The following LNX1 variants were observed in gnomAD, a reference collection of about 807,000 sequenced individuals.
LNX1 encodes ligand of numb-protein X 1.
Under a neutral mutation model 68.4 loss-of-function variants are expected in LNX1, and 54 were observed. The ratio of observed to expected loss-of-function variants is 0.79; its 90% CI spans 0.63 to 0.99. The LOEUF is 0.99. LNX1 is among the 50% of genes least tolerant of loss of function. LNX1 has a pLI of 0.00. For missense variants in LNX1, 906 were observed against 926.4 expected, an observed-to-expected ratio of 0.98 and a Z score of 0.29; for synonymous variants, 336 against 350.0, an observed-to-expected ratio of 0.96 and a Z score of 0.45.
chr4:53,575,913 T>C, intron 1 of LNX1: 1 of 1,572,692 alleles, frequency 6.4e-7, no homozygotes, highest in South Asian at 1.2e-5. Flanking sequence ...GCCGAGAGGC[T>C]GTGCAGTGTC....
At position 53,477,080 on chromosome 4, in the gene LNX1, T is replaced by A. The variant is rs1479671352; in HGVS notation, c.1664-99A>T. On this transcript the variant is annotated intron_variant, in intron 8 of 10. Transcript: ENST00000263925. ...TAGGGGCTGACTGGGATTGCAGGGA[T>A]GCAGAGAGGGCAAAGGTTTTCTTTG... 97 of 1,018,904 alleles carry A rather than the reference T, an allele frequency of 9.5e-5. 1 individual carries two copies. In the Admixed American group the frequency reaches 1.6e-3, roughly 17 times the overall value. The allele number at this position is 1,018,904 out of a possible 1,614,324, so 63.1% of individuals were successfully genotyped here.
chr4:53,630,219 T>C (rs1478749841), intron 1 of LNX1, among the ~76,000 whole-genome samples: 2 of 152,178 alleles, frequency 1.3e-5, no homozygotes, highest in Non-Finnish European at 2.9e-5. Flanking sequence ...TTAAAATGTT[T>C]TGTTACTCAG....
At chr4:53,538,909 T>C (rs572532948) in intron 2 of LNX1, among the ~76,000 whole-genome samples, 1 of 152,288 alleles carries the variant, frequency 6.6e-6, no homozygotes, top group African/African-American at 2.4e-5. Context: ...CTGGAAGTAA[T>C]CACAGGGAAC....
chr4:53,512,975 A>G (rs1726467922), intron 2 of LNX1, among the ~76,000 whole-genome samples: 1 of 152,090 alleles, frequency 6.6e-6, no homozygotes, highest in South Asian at 2.1e-4. Flanking sequence ...CTCCATCTCC[A>G]CGGCCAAACC....
At chr4:53,629,147 C>A (rs1734179930) in intron 1 of LNX1, among the ~76,000 whole-genome samples, 2 of 152,028 alleles carry the variant, frequency 1.3e-5, no homozygotes, top group Admixed American at 1.3e-4. Context: ...AAAAACAGAC[C>A]ACAAACAAAA....
intron 1 of LNX1, among the ~76,000 whole-genome samples, chr4:53,648,335 T>C (rs534610858): frequency 6.6e-6 from 1 of 152,298 alleles, no homozygotes; most frequent in African/African-American, 2.4e-5. Context: ...TCATTGTGGT[T>C]TTTGATTTGC....
At chr4:53,558,109 G>A in intron 2 of LNX1, 1 of 1,454,110 alleles carries the variant, frequency 6.9e-7, no homozygotes, top group Non-Finnish European at 9.0e-7. Context: ...TTCAGATTAA[G>A]CCACGTTAAT....
intron 2 of LNX1, among the ~76,000 whole-genome samples, chr4:53,518,318 GC>G (rs1360481412): frequency 1.3e-5 from 2 of 152,172 alleles, no homozygotes; most frequent in African/African-American, 4.8e-5. Context: ...AGACACACTG[GC>G]TAGTCTCTGC....
At chr4:53,483,460 T>C (rs1724082850) in intron 6 of LNX1, among the ~76,000 whole-genome samples, 1 of 152,256 alleles carries the variant, frequency 6.6e-6, no homozygotes, top group Non-Finnish European at 1.5e-5. Flanking sequence ...TTGCTGACCA[T>C]TGAGATTTCA....
At chr4:53,612,050 A>C (rs1453468894) in intron 2 of LNX1, among the ~76,000 whole-genome samples, 1 of 152,212 alleles carries the variant, frequency 6.6e-6, no homozygotes, top group Non-Finnish European at 1.5e-5. Context: ...AACAAGAACA[A>C]ACCAATAGGA....
At chr4:53,474,370 C>T (rs548512748) in intron 9 of LNX1, among the ~76,000 whole-genome samples, 25 of 152,190 alleles carry the variant, frequency 1.6e-4, no homozygotes, top group Non-Finnish European at 3.4e-4. Context: ...TGGAACACAG[C>T]CTTCCTCATT....
intron 2 of LNX1, among the ~76,000 whole-genome samples, chr4:53,600,254 G>T (rs1334282859): frequency 1.3e-5 from 2 of 152,108 alleles, no homozygotes; most frequent in Non-Finnish European, 2.9e-5. Context: ...TCCCAAAGGG[G>T]TTGAAAATTC....
intron 2 of LNX1, among the ~76,000 whole-genome samples, chr4:53,546,035 G>T (rs751416679): frequency 6.6e-6 from 1 of 151,856 alleles, no homozygotes; most frequent in African/African-American, 2.4e-5. Flanking sequence ...TCAAACTCCT[G>T]ACCTCAAGTG....
intron 2 of LNX1, among the ~76,000 whole-genome samples, chr4:53,565,046 TG>T (rs1183925754): frequency 6.6e-6 from 1 of 151,986 alleles, no homozygotes; most frequent in Non-Finnish European, 1.5e-5. Context: ...GAGATCAAAC[TG>T]CAAGGTGGCA....
chr4:53,472,050 C>T lies in LNX1; in HGVS notation c.1892+4703G>A, dbSNP rs559561168. ...GACACATGCACACTTATGTTTATTG[C>T]GGCACTATTCACAATAACAAAGACT... On this transcript the variant is annotated intron_variant, in intron 9 of 10. Coordinates refer to ENST00000263925, the MANE Select transcript of LNX1 (RefSeq NM_001126328.3). 1.1e-3 allele frequency among the ~76,000 whole-genome samples: 170 copies of T among 152,196 alleles called. 1 individual carries two copies. The highest frequency in any genetic ancestry group is 3.8e-3 in the African/African-American group (158 of 41,510).
intron 1 of LNX1, among the ~76,000 whole-genome samples, chr4:53,640,965 G>T (rs918441597): frequency 6.6e-6 from 1 of 152,238 alleles, no homozygotes; most frequent in Non-Finnish European, 1.5e-5. Context: ...GGCCGGGGCT[G>T]AGGCCTGGCC....
intron 1 of LNX1, among the ~76,000 whole-genome samples, chr4:53,616,937 T>C (rs1412489726): frequency 1.3e-5 from 2 of 152,194 alleles, no homozygotes; most frequent in African/African-American, 4.8e-5. Flanking sequence ...TTATAAAAGT[T>C]CCCTGACTAT....
intron 1 of LNX1, among the ~76,000 whole-genome samples, chr4:53,580,515 C>A (rs76194249): frequency 6.6e-6 from 1 of 152,360 alleles, no homozygotes; most frequent in East Asian, 1.9e-4. Context: ...AGCAATAGCA[C>A]ACACTACTGC....
At chr4:53,608,427 C>T (rs189895226) in intron 2 of LNX1, among the ~76,000 whole-genome samples, 1 of 152,232 alleles carries the variant, frequency 6.6e-6, no homozygotes, top group Admixed American at 6.5e-5. Context: ...CATCTCACAC[C>T]AGTCAGAATG....
Sources: allele counts gnomAD v4.1 joint callset (sites outside exome capture counted in the v4.1 genomes callset), GRCh38; gene constraint gnomAD v4.1.1; transcripts MANE v1.5; gene names NCBI Gene and HGNC (gene_info 2026-07-23, HGNC 2026-07-21).